TSTD2: variants seen among roughly 807,000 people sequenced by gnomAD.
The protein encoded by TSTD2 is thiosulfate sulfurtransferase like domain containing 2.
Under a neutral mutation model 47.9 loss-of-function variants are expected in TSTD2, and 37 were observed. The observed-to-expected ratio is 0.77, with a 90% confidence interval of 0.59 to 1.02. TSTD2 has a LOEUF of 1.02. TSTD2 is among the 50% of genes least tolerant of loss of function. The pLI is 0.00. For missense variants in TSTD2, 586 were observed against 616.0 expected, an observed-to-expected ratio of 0.95 and a Z score of 0.52; for synonymous variants, 201 against 215.9, an observed-to-expected ratio of 0.93 and a Z score of 0.61.
chr9:97,619,764 C>T (rs929366593), intron 3 of TSTD2, among the ~76,000 whole-genome samples: 1 of 152,192 alleles, frequency 6.6e-6, no homozygotes, highest in African/African-American at 2.4e-5. Context: ...CTTCAGTCAA[C>T]AGGAGGCTAT....
intron 4 of TSTD2, among the ~76,000 whole-genome samples, chr9:97,611,977 T>C (rs973840502): frequency 4.6e-5 from 7 of 152,118 alleles, no homozygotes; most frequent in African/African-American, 1.5e-4. Context: ...TTAAGCTTAG[T>C]ACCCCTTAGT....
At position 97,600,648 on chromosome 9, in the gene TSTD2, C is replaced by T; in HGVS notation, c.*1821G>A. ...TAGAGACTTCAGCTACTGATCTCAT[C>T]ACTTATTAGACAAATTGCTGCTGAC... On this transcript the variant is annotated 3_prime_UTR_variant, in exon 10 of 10. Transcript: ENST00000341170. 2.0e-6 allele frequency: 2 copies of T among 990,382 alleles called. No individual in the cohort carries two copies. The highest frequency in any genetic ancestry group is 2.4e-6 in the Non-Finnish European group (2 of 833,060). 61.3% of individuals were successfully genotyped at this position (990,382 alleles called of 1,614,324 possible).
rs530243134 is a variant in TSTD2, at chr9:97,614,152, T to C, written c.604-2453A>G. On this transcript the variant is annotated intron_variant, in intron 4 of 9. Coordinates refer to ENST00000341170, the MANE Select transcript of TSTD2 (RefSeq NM_139246.5). ...CCTACCTGATCAACTCTTTAGGGTA[T>C]GGATATAAAACAAGATTCATGGCAC... Among the ~76,000 whole-genome samples, 6 of 152,288 alleles carry C rather than the reference T, an allele frequency of 3.9e-5. No homozygotes were observed. In the East Asian group the frequency reaches 1.2e-3, roughly 29 times the overall value.
chr9:97,627,309 G>A, intron 2 of TSTD2, 89 bp downstream of exon 2: 5 of 1,490,598 alleles, frequency 3.4e-6, no homozygotes, highest in Non-Finnish European at 4.5e-6. Context: ...ACTTTACCTT[G>A]AGCTGGAGAG....
At chr9:97,620,988 G>C (rs1826625532) in intron 3 of TSTD2, among the ~76,000 whole-genome samples, 1 of 152,172 alleles carries the variant, frequency 6.6e-6, no homozygotes, top group African/African-American at 2.4e-5. Flanking sequence ...AAAGACAAAG[G>C]GGAAAATGTC....
In TSTD2 at chr9:97,601,746, A is replaced by G. The variant is rs1826265159; in HGVS notation, c.*723T>C. The stretch of plus-strand genomic sequence containing the variant: ...AAACTATACAGTTGACCCTTGAACA[A>G]TATGGGTTTGAACTGCATGGCTGCA... On this transcript the variant is annotated 3_prime_UTR_variant, in exon 10 of 10. Transcript: ENST00000341170. The G allele has an allele frequency of 1.3e-5, 3 of 227,142 alleles. No individual in the cohort carries two copies. The highest frequency in any genetic ancestry group is 1.6e-4 in the South Asian group (1 of 6,240). 14.1% of individuals were successfully genotyped at this position (227,142 alleles called of 1,614,324 possible). A position where few individuals can be genotyped will look rare whatever the true frequency, so the allele number is the denominator to read the frequency against.
chr9:97,600,906 T>A lies in TSTD2; in HGVS notation c.*1563A>T. 8.6e-7 allele frequency: 1 copy of A among 1,157,628 alleles called. No homozygotes were observed. Among genetic ancestry groups the A allele is most frequent in the Non-Finnish European group, 1.1e-6 (1 of 919,798 alleles). 71.7% of individuals were successfully genotyped at this position (1,157,628 alleles called of 1,614,324 possible). A position where few individuals can be genotyped will look rare whatever the true frequency, so the allele number is the denominator to read the frequency against. On this transcript the variant is annotated 3_prime_UTR_variant, in exon 10 of 10. Coordinates refer to ENST00000341170, the MANE Select transcript of TSTD2 (RefSeq NM_139246.5). ...TAATATACCACAGTGCCAGTTAAAC[T>A]AATATTTTTGTTTGTTGCTTTTGGG...
Position 97,604,802 on chromosome 9 carries a change from C to G in TSTD2, c.1177G>C (p.Asp393His). ...GIHKYLEEFP[D>H]GFYKGKLFVF... ...AACAACTTCCCTTTGTAAAAGCCAT[C>G]AGGAAACTCTTCCAGGTACTTGTGG... Residue 393 changes from aspartate (D) to histidine (H), a missense_variant, in exon 9 of 10, where the codon GAT (aspartate) becomes CAT (histidine). Coordinates refer to ENST00000341170, the MANE Select transcript of TSTD2 (RefSeq NM_139246.5). The G allele has an allele frequency of 1.9e-6, 3 of 1,614,242 alleles. No individual in the cohort carries two copies. Among genetic ancestry groups the G allele is most frequent in the Non-Finnish European group, 2.5e-6 (3 of 1,180,048 alleles).
chr9:97,627,373 C>A (rs1826739282), intron 2 of TSTD2, 25 bp downstream of exon 2: 1 of 1,574,044 alleles, frequency 6.4e-7, no homozygotes, highest in South Asian at 1.2e-5. Flanking sequence ...CATACATGAT[C>A]ATGAAACATT....
Position 97,602,226 on chromosome 9 carries a change from G to T in TSTD2, c.*243C>A. The T allele has an allele frequency of 4.0e-6, 2 of 498,880 alleles. No individual in the cohort carries two copies. The highest frequency in any genetic ancestry group is 7.0e-6 in the Non-Finnish European group (2 of 286,624). The allele number at this position is 498,880 out of a possible 1,614,324, so 30.9% of individuals were successfully genotyped here. On this transcript the variant is annotated 3_prime_UTR_variant, in exon 10 of 10. Transcript: ENST00000341170. ...TCAGGCTCTATCCCTCAGCAGCTTT[G>T]GGATCCCATGCAGCTCACCTATTTT...
Position 97,633,340 on chromosome 9 carries a change from G to T in TSTD2, c.-148C>A. 1 of 357,382 alleles carries T rather than the reference G, an allele frequency of 2.8e-6. No individual in the cohort carries two copies. Among genetic ancestry groups the T allele is most frequent in the Non-Finnish European group, 5.0e-6 (1 of 199,936 alleles). 22.1% of individuals were successfully genotyped at this position (357,382 alleles called of 1,614,324 possible). ...GCCCTCGAGCCTATTCCCCCGCCGC[G>T]TATTTGGGTAGAAAAGCTCGCTCGT... On this transcript the variant is annotated 5_prime_UTR_variant, in exon 1 of 10. Transcript: ENST00000341170.
At chr9:97,633,068 G>C (rs1205770312) in intron 1 of TSTD2, among the ~76,000 whole-genome samples, 175 bp downstream of exon 1, 2 of 152,232 alleles carry the variant, frequency 1.3e-5, no homozygotes, top group African/African-American at 2.4e-5. Context: ...ACGGCCAGCC[G>C]GCAAGCCCGG....
chr9:97,631,103 C>T (rs1401085024), intron 1 of TSTD2, among the ~76,000 whole-genome samples: 1 of 152,186 alleles, frequency 6.6e-6, no homozygotes, highest in Admixed American at 6.5e-5. Context: ...TTTTCTCACA[C>T]TATCATTCAC....
intron 3 of TSTD2, among the ~76,000 whole-genome samples, chr9:97,622,246 C>A (rs1826651513): frequency 6.6e-6 from 1 of 152,184 alleles, no homozygotes. Flanking sequence ...CCGAAAGGGG[C>A]CAATGTAGAA....
intron 9 of TSTD2, 54 bp downstream of exon 9, chr9:97,604,673 T>A: frequency 6.2e-7 from 1 of 1,609,184 alleles, no homozygotes; most frequent in Non-Finnish European, 8.5e-7. Context: ...TCTAGAATAG[T>A]GAACTGACAA....
At chr9:97,615,332 C>T (rs971647330) in intron 4 of TSTD2, among the ~76,000 whole-genome samples, 17 of 152,190 alleles carry the variant, frequency 1.1e-4, no homozygotes, top group South Asian at 2.1e-4. Flanking sequence ...TCATAATCCC[C>T]GTTTTACAGA....
chr9:97,626,828 C>T (rs1826729070), intron 2 of TSTD2, among the ~76,000 whole-genome samples: 1 of 152,090 alleles, frequency 6.6e-6, no homozygotes, highest in South Asian at 2.1e-4. Flanking sequence ...CATGTGGGTG[C>T]CATTTTATCC....
At chr9:97,606,563 TA>T (rs937838557) in intron 6 of TSTD2, among the ~76,000 whole-genome samples, 1 of 152,202 alleles carries the variant, frequency 6.6e-6, no homozygotes, top group African/African-American at 2.4e-5. Context: ...ACCCTAGTGA[TA>T]AAAACCAGGC....
At chr9:97,608,590 C>T (rs1443034889) in intron 6 of TSTD2, among the ~76,000 whole-genome samples, 3 of 152,126 alleles carry the variant, frequency 2.0e-5, no homozygotes, top group Non-Finnish European at 2.9e-5. Flanking sequence ...GAGCTGAAAT[C>T]ACGCCACTGC....
Sources: gnomAD v4.1 joint callset for allele counts (sites outside exome capture counted in the v4.1 genomes callset) on GRCh38, gnomAD v4.1.1 for gene constraint, MANE v1.5 for transcripts, NCBI Gene and HGNC (gene_info 2026-07-23, HGNC 2026-07-21) for gene names.